The following RBFOX1 variants were observed in gnomAD, a reference collection of about 807,000 sequenced individuals.
RBFOX1 encodes the protein RNA binding fox-1 homolog 1, also known as RNA binding protein fox-1 homolog 1.
In RBFOX1, 8 loss-of-function variants were observed where a neutral mutation model predicts 57.7. That is an observed-to-expected ratio of 0.14 (90% CI 0.08 to 0.25). The LOEUF is 0.25. Ranked by LOEUF, RBFOX1 falls within the 10% of genes least tolerant of loss-of-function variation. The pLI is 1.00. For synonymous variants in RBFOX1, 326 were observed against 222.4 expected, an observed-to-expected ratio of 1.47 and a Z score of -4.15; for missense variants, 611 against 548.5, an observed-to-expected ratio of 1.11 and a Z score of -1.14.
intron 1 of RBFOX1, among the ~76,000 whole-genome samples, chr16:6,191,815 A>C (rs561747079): frequency 6.6e-6 from 1 of 152,294 alleles, no homozygotes; most frequent in African/African-American, 2.4e-5. Flanking sequence ...GAATGCAGGT[A>C]TCGAGACTTG....
chr16:6,928,251 C>T (rs961705896), intron 3 of RBFOX1, among the ~76,000 whole-genome samples: 2 of 152,084 alleles, frequency 1.3e-5, no homozygotes, highest in African/African-American at 4.8e-5. Context: ...TCTGAGGATC[C>T]CTGGGCATCC....
intron 1 of RBFOX1, among the ~76,000 whole-genome samples, chr16:6,283,895 C>G (rs1214295355): frequency 6.6e-6 from 1 of 152,172 alleles, no homozygotes. Context: ...GCTAAACCGA[C>G]TTTGTTTCTG....
intron 3 of RBFOX1, among the ~76,000 whole-genome samples, chr16:6,730,448 CAAA>C (rs1214913614): frequency 4.3e-5 from 1 of 23,090 alleles, no homozygotes; most frequent in East Asian, 0.083. Flanking sequence ...ATCAATTTAT[CAAA>C]TTATCTAATC....
intron 1 of RBFOX1, among the ~76,000 whole-genome samples, chr16:6,073,219 C>G (rs2095857570): frequency 6.6e-6 from 1 of 152,166 alleles, no homozygotes; most frequent in South Asian, 2.1e-4. Flanking sequence ...ACTTCCAGGG[C>G]TGAGATGAAC....
intron 2 of RBFOX1, among the ~76,000 whole-genome samples, chr16:6,337,448 A>G (rs2083921984): frequency 6.6e-6 from 1 of 152,268 alleles, no homozygotes; most frequent in African/African-American, 2.4e-5. Flanking sequence ...AGGTGAAAGA[A>G]CGAGAATACG....
chr16:5,486,906 C>G (rs760253324), intron 2 of RBFOX1, among the ~76,000 whole-genome samples: 20 of 152,160 alleles, frequency 1.3e-4, no homozygotes, highest in African/African-American at 4.8e-4. Flanking sequence ...AGCCCTTTCA[C>G]CTCAGCAGCC....
At chr16:7,384,362 C>T (rs1480686715) in intron 4 of RBFOX1, among the ~76,000 whole-genome samples, 1 of 152,128 alleles carries the variant, frequency 6.6e-6, no homozygotes, top group African/African-American at 2.4e-5. Context: ...ATATATAGCT[C>T]AGGTGCAACA....
At chr16:7,478,887 C>G (rs151052073) in intron 4 of RBFOX1, among the ~76,000 whole-genome samples, 1 of 152,058 alleles carries the variant, frequency 6.6e-6, no homozygotes. Context: ...GCATCTTGAA[C>G]GGGGCTAGTT....
At chr16:5,934,274 T>G (rs1351059961) in intron 4 of RBFOX1, among the ~76,000 whole-genome samples, 2 of 152,226 alleles carry the variant, frequency 1.3e-5, no homozygotes, top group Non-Finnish European at 2.9e-5. Flanking sequence ...CCAGCTTCCC[T>G]TTACTACAAA....
At chr16:6,849,108 C>T (rs2093926871) in intron 3 of RBFOX1, among the ~76,000 whole-genome samples, 1 of 152,132 alleles carries the variant, frequency 6.6e-6, no homozygotes, top group Non-Finnish European at 1.5e-5. Flanking sequence ...CCACATTTCT[C>T]CTTTGTGATT....
rs534805374 is a variant in RBFOX1, at chr16:7,297,044, A to G, written c.28-221103A>G. Among the ~76,000 whole-genome samples the G allele has an allele frequency of 4.1e-4, 63 of 152,240 alleles. No individual in the cohort carries two copies. The South Asian group carries it at 0.012, about 30-fold the overall frequency. On this transcript the variant is annotated intron_variant, in intron 4 of 15. Transcript: ENST00000550418. ...ATCCCGTTTTCCAAGCTTGCACTCC[A>G]TGGGAGCCATAGTCAGTAGCCAGTG...
intron 3 of RBFOX1, among the ~76,000 whole-genome samples, chr16:6,728,217 A>C (rs1603466239): frequency 6.6e-6 from 1 of 152,242 alleles, no homozygotes; most frequent in East Asian, 1.9e-4. Context: ...TATCACCTTA[A>C]GTGAAGCTTC....
chr16:7,335,573 C>T (rs1309895477), intron 4 of RBFOX1, among the ~76,000 whole-genome samples: 3 of 138,046 alleles, frequency 2.2e-5, no homozygotes, highest in South Asian at 2.5e-4. Context: ...GTTTTAGTTG[C>T]CTCAGATAAA....
chr16:7,496,097 G>A (rs2068552294), intron 4 of RBFOX1, among the ~76,000 whole-genome samples: 1 of 152,128 alleles, frequency 6.6e-6, no homozygotes, highest in Non-Finnish European at 1.5e-5. Context: ...CAGTGAGTCA[G>A]TGCACACATC....
intron 4 of RBFOX1, among the ~76,000 whole-genome samples, chr16:7,426,212 C>T (rs540898298): frequency 3.3e-5 from 5 of 152,216 alleles, no homozygotes; most frequent in African/African-American, 1.2e-4. Context: ...GAAGTGATTA[C>T]AGAGTCATGA....
chr16:7,615,623 A>G (rs1228021163), intron 10 of RBFOX1, among the ~76,000 whole-genome samples: 1 of 152,028 alleles, frequency 6.6e-6, no homozygotes, highest in Non-Finnish European at 1.5e-5. Flanking sequence ...AGTTAACCCA[A>G]GTCCTAGATT....
intron 3 of RBFOX1, among the ~76,000 whole-genome samples, chr16:7,018,073 C>G (rs771773964): frequency 2.0e-5 from 3 of 152,056 alleles, no homozygotes; most frequent in Middle Eastern, 3.2e-3. Flanking sequence ...TCCAGCCAAC[C>G]TGCATGTACA....
At chr16:7,709,661 G>C (rs766994636) in intron 15 of RBFOX1, 1 of 1,513,808 alleles carries the variant, frequency 6.6e-7, no homozygotes, top group Non-Finnish European at 8.8e-7. Context: ...CACTTTGTGT[G>C]TGTACCTAGT....
rs369699493 is a variant in RBFOX1, at chr16:6,083,209, G to C, written c.-127+63217G>C. Among the ~76,000 whole-genome samples, 4 of 152,168 alleles carry C rather than the reference G, an allele frequency of 2.6e-5. No homozygotes were observed. In the South Asian group the frequency reaches 8.3e-4, roughly 32 times the overall value. ...GTGGAGATGGGGTTTCACCATGATG[G>C]CCAAGCTGGTTTTGAACTCCTGACC... On this transcript the variant is annotated intron_variant, in intron 1 of 15. Transcript: ENST00000550418.
Sources: allele counts gnomAD v4.1 joint callset (sites outside exome capture counted in the v4.1 genomes callset), GRCh38; gene constraint gnomAD v4.1.1; transcripts MANE v1.5; gene names NCBI Gene and HGNC (gene_info 2026-07-23, HGNC 2026-07-21).